Variants in PDE3B observed in about 807,000 individuals in gnomAD.
PDE3B encodes the protein cGMP-inhibited 3',5'-cyclic phosphodiesterase 3B.
PDE3B carries 66 observed loss-of-function variants against 116.8 expected under a neutral mutation model. The observed-to-expected ratio is 0.56, with a 90% CI of 0.46 to 0.69. PDE3B has a LOEUF of 0.69. PDE3B is among the 30% of genes least tolerant of loss of function. The probability of loss-of-function intolerance (pLI) is 0.00; values close to 1 mark genes in which losing one functional copy is unlikely to be tolerated. For missense variants in PDE3B, 1,384 were observed against 1,368.1 expected (o/e 1.01, Z -0.18); for synonymous variants, 595 against 533.6 (o/e 1.12, Z -1.59).
rs1453275723 is a variant in PDE3B, at chr11:14,841,925, TAC to T, written c.2321-1901_2321-1900del. Among the ~76,000 whole-genome samples, 598 of 151,742 alleles carry T rather than the reference TAC, an allele frequency of 3.9e-3. 3 individuals are homozygous for T. Among genetic ancestry groups the T allele is most frequent in the African/African-American group, 0.014 (571 of 41,330 alleles). The stretch of plus-strand genomic sequence containing the variant: ...TCTTTTTGCTCAAGATTGCTTTGGC[TAC>T]TTGGAATGTTTTTGTGGTGCCATAT... On this transcript the variant is annotated intron_variant, in intron 11 of 15. Coordinates refer to ENST00000282096, the MANE Select transcript of PDE3B (RefSeq NM_000922.4).
intron 1 of PDE3B, among the ~76,000 whole-genome samples, chr11:14,737,569 C>T (rs955259308): frequency 1.3e-5 from 2 of 152,104 alleles, no homozygotes; most frequent in Admixed American, 1.3e-4. Flanking sequence ...ATTGTAGCAG[C>T]TCTTCTTTAA....
intron 4 of PDE3B, among the ~76,000 whole-genome samples, chr11:14,800,953 T>G (rs1858741944): frequency 6.6e-6 from 1 of 152,146 alleles, no homozygotes; most frequent in South Asian, 2.1e-4. Flanking sequence ...AGGCTATTGA[T>G]ACTTGTGTAT....
At chr11:14,674,287 A>G in intron 1 of PDE3B, 4 of 1,079,904 alleles carry the variant, frequency 3.7e-6, no homozygotes, top group Non-Finnish European at 5.7e-6. Flanking sequence ...GGCAGCCCCT[A>G]TCGTCTTCCC....
chr11:14,660,451 G>A (rs936157393), intron 1 of PDE3B, among the ~76,000 whole-genome samples: 5 of 151,674 alleles, frequency 3.3e-5, no homozygotes, highest in African/African-American at 9.7e-5. Flanking sequence ...ACAGGCACGT[G>A]CCACCATTCC....
chr11:14,715,878 T>C (rs1037276613), intron 1 of PDE3B, among the ~76,000 whole-genome samples: 6 of 152,098 alleles, frequency 3.9e-5, no homozygotes, highest in African/African-American at 1.4e-4. Context: ...CCAACAATGA[T>C]AGACTGGATT....
chr11:14,831,397 A>G (rs1442789612), intron 8 of PDE3B, among the ~76,000 whole-genome samples: 1 of 151,900 alleles, frequency 6.6e-6, no homozygotes. Flanking sequence ...TAATACTTTT[A>G]TTCATAAAAG....
chr11:14,681,490 T>C (rs1854705930), intron 1 of PDE3B, among the ~76,000 whole-genome samples: 1 of 152,142 alleles, frequency 6.6e-6, no homozygotes, highest in South Asian at 2.1e-4. Flanking sequence ...GTGTGAGGAC[T>C]TCCCTGCCAT....
At chr11:14,711,683 C>A (rs1367674847) in intron 1 of PDE3B, among the ~76,000 whole-genome samples, 2 of 152,162 alleles carry the variant, frequency 1.3e-5, no homozygotes, top group African/African-American at 2.4e-5. Context: ...ATGACCTAAA[C>A]CCCTCCCACC....
the PDE3B span, chr11:14,890,399 GGT>G: frequency 1.1e-6 from 1 of 899,432 alleles, no homozygotes; most frequent in Non-Finnish European, 1.3e-6. Context: ...GAGAATTGCA[GGT>G]TGGAAAATAA....
intron 1 of PDE3B, among the ~76,000 whole-genome samples, chr11:14,667,813 A>C (rs1854223875): frequency 6.7e-6 from 1 of 149,110 alleles, no homozygotes; most frequent in Non-Finnish European, 1.5e-5. Flanking sequence ...CGTTGTGCAC[A>C]TGTACCCTAA....
intron 11 of PDE3B, among the ~76,000 whole-genome samples, chr11:14,842,117 G>A (rs368957345): frequency 6.6e-6 from 1 of 151,820 alleles, no homozygotes. Context: ...CTACATATAC[G>A]AGATTAGGCC....
chr11:14,706,051 C>T (rs1855523932), intron 1 of PDE3B, among the ~76,000 whole-genome samples: 1 of 151,724 alleles, frequency 6.6e-6, no homozygotes, highest in South Asian at 2.1e-4. Context: ...ATGCAATGGC[C>T]ATGTTGTTAG....
chr11:14,690,237 A>G (rs1057376182), intron 1 of PDE3B, among the ~76,000 whole-genome samples: 10 of 152,208 alleles, frequency 6.6e-5, no homozygotes, highest in African/African-American at 2.2e-4. Context: ...AATTCTTCCA[A>G]ATCGAATGGT....
intron 1 of PDE3B, among the ~76,000 whole-genome samples, chr11:14,711,047 T>A (rs966722268): frequency 2.0e-5 from 3 of 152,206 alleles, no homozygotes; most frequent in Non-Finnish European, 4.4e-5. Context: ...ATGATTTTTT[T>A]AAGGAAGATC....
chr11:14,688,113 TTCTCTCTCTC>T (rs35700152), intron 1 of PDE3B, among the ~76,000 whole-genome samples: 59 of 109,942 alleles, frequency 5.4e-4, no homozygotes, highest in Non-Finnish European at 9.7e-4. Flanking sequence ...CTCTCTCTCT[TTCTCTCTCTC>T]TCTCTCTCTC....
rs986772480 is a variant in PDE3B, at chr11:14,759,498, T to C, written c.979-12439T>C. On this transcript the variant is annotated intron_variant, in intron 1 of 15. Coordinates refer to ENST00000282096, the MANE Select transcript of PDE3B (RefSeq NM_000922.4). ...CAGTAGTAGTTCAGTTCTAAATTGG[T>C]AGGCCACTTCTGCTGCTGCATAAAG... Among the ~76,000 whole-genome samples the C allele has an allele frequency of 2.6e-5, 4 of 152,054 alleles. No individual in the cohort carries two copies. The East Asian group carries it at 7.7e-4, about 29-fold the overall frequency.
chr11:14,792,966 C>A (rs1858437603), intron 4 of PDE3B, among the ~76,000 whole-genome samples: 1 of 152,122 alleles, frequency 6.6e-6, no homozygotes, highest in African/African-American at 2.4e-5. Context: ...TCAGCCATTA[C>A]TACTCCTCTA....
chr11:14,859,198 T>C lies in PDE3B; in HGVS notation c.2676T>C (p.Ala892=). The C allele has an allele frequency of 6.2e-7, 1 of 1,613,116 alleles. No individual in the cohort carries two copies. Residue 892 remains alanine (A), a synonymous_variant, in exon 13 of 16, where the codon GCT becomes GCC. Transcript: ENST00000282096. ...FRFLVIEAIL[A]TDLKKHFDFL... is the part of the protein sequence containing the mutation. The stretch of plus-strand genomic sequence containing the variant: ...TTTTAGTCATTGAAGCAATCCTTGC[T>C]ACGGATCTTAAAAAGCATTTTGATT...
intron 4 of PDE3B, among the ~76,000 whole-genome samples, chr11:14,796,068 C>G (rs909489343): frequency 3.3e-5 from 5 of 152,058 alleles, no homozygotes; most frequent in South Asian, 2.1e-4. Flanking sequence ...ATGTTCCCCT[C>G]CCTTTGTCCA....
Sources: allele counts gnomAD v4.1 joint callset (sites outside exome capture counted in the v4.1 genomes callset), GRCh38; gene constraint gnomAD v4.1.1; transcripts MANE v1.5; gene names NCBI Gene and HGNC (gene_info 2026-07-23, HGNC 2026-07-21).